The following VTI1A variants were observed in gnomAD, a reference collection of about 807,000 sequenced individuals.
The protein encoded by VTI1A is vesicle transport through interaction with t-SNAREs homolog 1A.
A neutral mutation model predicts 34.9 loss-of-function variants in VTI1A; 22 were observed. The ratio of observed to expected loss-of-function variants is 0.63; its 90% confidence interval spans 0.45 to 0.90. The LOEUF is 0.90. Ranked by LOEUF, VTI1A falls within the 40% of genes least tolerant of loss-of-function variation. The pLI is 0.00. For missense variants in VTI1A, 268 were observed against 275.6 expected (o/e 0.97, Z 0.20); for synonymous variants, 87 against 97.3 (o/e 0.89, Z 0.62).
intron 7 of VTI1A, among the ~76,000 whole-genome samples, chr10:112,728,572 T>C (rs553508544): frequency 6.6e-6 from 1 of 152,310 alleles, no homozygotes; most frequent in South Asian, 2.1e-4. Flanking sequence ...ATAACCCAGG[T>C]GTCACCACCA....
chr10:112,463,518 G>C (rs544309402), intron 2 of VTI1A, among the ~76,000 whole-genome samples: 7 of 152,092 alleles, frequency 4.6e-5, no homozygotes, highest in African/African-American at 1.7e-4. Flanking sequence ...TGATGTCAAC[G>C]TAAGAGTCTG....
At chr10:112,497,288 A>C (rs2134142762) in intron 3 of VTI1A, among the ~76,000 whole-genome samples, 1 of 152,142 alleles carries the variant, frequency 6.6e-6, no homozygotes, top group South Asian at 2.1e-4. Context: ...ACTGCACTCC[A>C]GCCTGGGTGA....
intron 3 of VTI1A, among the ~76,000 whole-genome samples, chr10:112,525,418 C>G (rs1372070541): frequency 6.6e-6 from 1 of 152,070 alleles, no homozygotes; most frequent in Non-Finnish European, 1.5e-5. Flanking sequence ...CTGAGTCACT[C>G]TAAAGGTAAT....
At chr10:112,712,597 G>A (rs777726004) in intron 7 of VTI1A, among the ~76,000 whole-genome samples, 9 of 152,090 alleles carry the variant, frequency 5.9e-5, no homozygotes, top group Non-Finnish European at 8.8e-5. Context: ...GGGTAGGGGC[G>A]TGAAACTAAG....
At chr10:112,720,372 C>A (rs1312857988) in intron 7 of VTI1A, among the ~76,000 whole-genome samples, 4 of 152,188 alleles carry the variant, frequency 2.6e-5, no homozygotes, top group Admixed American at 1.3e-4. Context: ...CCAGCACTTG[C>A]TTTTGTGCAT....
chr10:112,830,849 A>ATATATATATATT, the VTI1A span, among the ~76,000 whole-genome samples: 3 of 33,496 alleles, frequency 9.0e-5, no homozygotes, highest in South Asian at 1.6e-3. Context: ...ATATATATAT[A>ATATATATATATT]TTTTTTTTTT....
intron 5 of VTI1A, among the ~76,000 whole-genome samples, chr10:112,574,728 G>A (rs1002898430): frequency 6.6e-6 from 1 of 152,178 alleles, no homozygotes. Context: ...ACATAAAATC[G>A]AATGGACATG....
intron 5 of VTI1A, among the ~76,000 whole-genome samples, chr10:112,551,199 G>A (rs1001805173): frequency 1.5e-5 from 2 of 137,822 alleles, no homozygotes; most frequent in Admixed American, 1.6e-4. Flanking sequence ...AGCAGAGATC[G>A]CGCCACTGCA....
intron 7 of VTI1A, among the ~76,000 whole-genome samples, chr10:112,775,105 A>G (rs1014453231): frequency 6.6e-6 from 1 of 152,228 alleles, no homozygotes; most frequent in African/African-American, 2.4e-5. Context: ...GACTCTGCTT[A>G]AAGACCATTT....
the VTI1A span, among the ~76,000 whole-genome samples, chr10:112,830,845 A>ATTTTTTTTTTTTTTT: frequency 4.8e-5 from 2 of 42,034 alleles, no homozygotes; most frequent in African/African-American, 2.0e-4. Context: ...ATATATATAT[A>ATTTTTTTTTTTTTTT]TATATTTTTT....
chr10:112,705,928 GA>G (rs5787970), intron 7 of VTI1A, among the ~76,000 whole-genome samples: 1 of 150,218 alleles, frequency 6.7e-6, no homozygotes, highest in Non-Finnish European at 1.5e-5. Context: ...ATTGTCATTT[GA>G]AAAAAAAAAT....
At chr10:112,837,384 T>C in the VTI1A span, among the ~76,000 whole-genome samples, 177 of 152,186 alleles carry the variant, frequency 1.2e-3, no homozygotes, top group African/African-American at 3.9e-3. Flanking sequence ...TGGTTAAGGA[T>C]GTCACAGTGA....
At chr10:112,731,303 G>A (rs1001786235) in intron 7 of VTI1A, among the ~76,000 whole-genome samples, 35 of 152,174 alleles carry the variant, frequency 2.3e-4, no homozygotes, top group African/African-American at 8.4e-4. Context: ...GCCAGGCCCG[G>A]TGGCTCACGT....
At chr10:112,721,708 G>A (rs111555836) in intron 7 of VTI1A, among the ~76,000 whole-genome samples, 1 of 152,182 alleles carries the variant, frequency 6.6e-6, no homozygotes, top group East Asian at 1.9e-4. Flanking sequence ...CATTTGAAAG[G>A]AGAGGAGACT....
intron 7 of VTI1A, among the ~76,000 whole-genome samples, chr10:112,797,687 T>C (rs1207377731): frequency 8.4e-6 from 1 of 118,754 alleles, no homozygotes; most frequent in Non-Finnish European, 1.9e-5. Flanking sequence ...CAATCTGTGA[T>C]GACGTGAGGA....
the VTI1A span, among the ~76,000 whole-genome samples, chr10:112,850,524 A>G: frequency 6.6e-6 from 1 of 152,160 alleles, no homozygotes; most frequent in African/African-American, 2.4e-5. Context: ...TTTGAAGACT[A>G]CTGTGGAGGT....
chr10:112,602,054 T>C (rs1844899486), intron 5 of VTI1A, among the ~76,000 whole-genome samples: 1 of 152,196 alleles, frequency 6.6e-6, no homozygotes, highest in Non-Finnish European at 1.5e-5. Flanking sequence ...CATGCAGGCA[T>C]TAGTTCCTCA....
chr10:112,580,143 T>C (rs1843867033), intron 5 of VTI1A, among the ~76,000 whole-genome samples: 1 of 152,190 alleles, frequency 6.6e-6, no homozygotes, highest in Non-Finnish European at 1.5e-5. Context: ...TGAAGGAACC[T>C]CATTGATCAT....
chr10:112,476,690 G>A (rs575372113), intron 3 of VTI1A, among the ~76,000 whole-genome samples: 2 of 152,128 alleles, frequency 1.3e-5, no homozygotes, highest in Admixed American at 6.5e-5. Context: ...TCATACTTTG[G>A]CCCTAGGGTT....
Sources: allele counts gnomAD v4.1 joint callset (sites outside exome capture counted in the v4.1 genomes callset), GRCh38; gene constraint gnomAD v4.1.1; transcripts MANE v1.5; gene names NCBI Gene and HGNC (gene_info 2026-07-23, HGNC 2026-07-21).